Variants in PCDH15 observed in about 807,000 individuals in gnomAD.
The protein encoded by PCDH15 is protocadherin related 15.
In PCDH15, 129 loss-of-function variants were observed where a neutral mutation model predicts 178.5. The ratio of observed to expected loss-of-function variants is 0.72; its 90% confidence interval spans 0.63 to 0.84. PCDH15 has a LOEUF of 0.84. Ranked by LOEUF, PCDH15 falls within the 40% of genes least tolerant of loss-of-function variation. The pLI, the probability that PCDH15 is intolerant of heterozygous loss-of-function variation, is 0.00. For missense variants in PCDH15, 2,230 were observed against 2,099.9 expected (o/e 1.06, Z -1.21); for synonymous variants, 800 against 732.0 (o/e 1.09, Z -1.50).
At chr10:54,765,078 CACAAGTTGTGGAG>C (rs1479371119) in intron 1 of PCDH15, among the ~76,000 whole-genome samples, 1 of 152,076 alleles carries the variant, frequency 6.6e-6, no homozygotes, top group East Asian at 1.9e-4. Flanking sequence ...AGAAATTACC[CACAAGTTGTGGAG>C]AAAATAAATA....
chr10:55,197,038 A>C (rs1442615609), intron 1 of PCDH15, among the ~76,000 whole-genome samples: 1 of 151,946 alleles, frequency 6.6e-6, no homozygotes, highest in Non-Finnish European at 1.5e-5. Flanking sequence ...TAGTTACTTA[A>C]AATGCTCACC....
In PCDH15 at chr10:53,821,763, A is replaced by AAAT. The variant is rs1440769623; in HGVS notation, c.4368-1536_4368-1534dup. The AAAT allele has an allele frequency of 3.8e-6, 6 of 1,565,652 alleles. No homozygotes were observed. The African/African-American group carries it at 6.9e-5, about 18-fold the overall frequency. ...ACTGCATTTCATTGAATTTGGGGTA[A>AAAT]AATAATAGAGTCTTCTTTGACGTTC... On this transcript the variant is annotated intron_variant, in intron 32 of 37. Coordinates refer to ENST00000644397, the MANE Select transcript of PCDH15 (RefSeq NM_001384140.1).
intron 25 of PCDH15, among the ~76,000 whole-genome samples, chr10:53,906,257 C>CTT (rs138230241): frequency 2.0e-5 from 3 of 150,420 alleles, no homozygotes; most frequent in African/African-American, 7.3e-5. Flanking sequence ...ACTAGTCTTC[C>CTT]TTTTTTTTTG....
At chr10:54,733,590 A>G (rs1943688927) in intron 1 of PCDH15, among the ~76,000 whole-genome samples, 1 of 151,620 alleles carries the variant, frequency 6.6e-6, no homozygotes, top group Non-Finnish European at 1.5e-5. Flanking sequence ...ATTTTTAGAT[A>G]CCAAAAAACT....
intron 2 of PCDH15, among the ~76,000 whole-genome samples, chr10:54,916,188 C>T (rs912869481): frequency 5.4e-4 from 82 of 152,150 alleles, no homozygotes; most frequent in African/African-American, 2.0e-3. Context: ...TCAGGCTGGT[C>T]TCGAACTCCT....
At chr10:54,320,195 C>T (rs1462837755) in intron 7 of PCDH15, among the ~76,000 whole-genome samples, 1 of 152,034 alleles carries the variant, frequency 6.6e-6, no homozygotes, top group Non-Finnish European at 1.5e-5. Flanking sequence ...GAGAGTGAGG[C>T]TGCCATGAAT....
intron 1 of PCDH15, among the ~76,000 whole-genome samples, chr10:54,780,004 T>C (rs1299982673): frequency 6.6e-6 from 1 of 152,170 alleles, no homozygotes; most frequent in African/African-American, 2.4e-5. Context: ...GCACTTATTC[T>C]TATAAACAGC....
intron 2 of PCDH15, among the ~76,000 whole-genome samples, chr10:55,138,275 A>G (rs1174560653): frequency 1.3e-5 from 2 of 152,156 alleles, no homozygotes; most frequent in African/African-American, 4.8e-5. Flanking sequence ...TCACATTCCA[A>G]TATAAGTAGG....
At chr10:54,203,815 A>C (rs1427742922) in intron 10 of PCDH15, among the ~76,000 whole-genome samples, 1 of 152,112 alleles carries the variant, frequency 6.6e-6, no homozygotes, top group Non-Finnish European at 1.5e-5. Context: ...ATTCTGAAAA[A>C]CGGGCAAATT....
At chr10:54,443,494 C>CA (rs200734623) in intron 3 of PCDH15, among the ~76,000 whole-genome samples, 19 of 149,180 alleles carry the variant, frequency 1.3e-4, no homozygotes, top group Admixed American at 4.0e-4. Flanking sequence ...ATCAACAACA[C>CA]AAAAAAAAAT....
At chr10:54,137,588 G>A (rs12268401) in intron 14 of PCDH15, among the ~76,000 whole-genome samples, 2,355 of 152,168 alleles carry the variant, frequency 0.015, 75 homozygotes, top group African/African-American at 0.054. Context: ...CACCACATCC[G>A]ATGAGATGCC....
intron 1 of PCDH15, among the ~76,000 whole-genome samples, chr10:54,778,445 C>T (rs1949938474): frequency 6.6e-6 from 1 of 152,094 alleles, no homozygotes; most frequent in African/African-American, 2.4e-5. Context: ...TATTATCAAA[C>T]ATTGCTTTTC....
intron 2 of PCDH15, among the ~76,000 whole-genome samples, chr10:54,559,893 G>T (rs1027717614): frequency 1.2e-4 from 17 of 145,114 alleles, no homozygotes; most frequent in African/African-American, 3.3e-4. Context: ...AAGGTGGTTT[G>T]CTCCCTTTCC....
chr10:54,380,660 T>TATATATATATATATATATATATATGCTCC (rs1949077082), intron 3 of PCDH15, among the ~76,000 whole-genome samples: 3 of 63,902 alleles, frequency 4.7e-5, no homozygotes, highest in Admixed American at 2.0e-4. Flanking sequence ...TATATATATA[T>TATATATATATATATATATATATATGCTCC]ATATATATAT....
At chr10:54,802,069 T>C (rs1375390941), upstream of PCDH15, among the ~76,000 whole-genome samples, 1 of 152,142 alleles carries the variant, frequency 6.6e-6, no homozygotes, top group African/African-American at 2.4e-5. Flanking sequence ...CATATTTTAG[T>C]AGTGATTGTG....
chr10:54,516,358 T>C (rs2082217688), intron 3 of PCDH15, among the ~76,000 whole-genome samples: 1 of 151,928 alleles, frequency 6.6e-6, no homozygotes, highest in Non-Finnish European at 1.5e-5. Flanking sequence ...TGCAGAGAAG[T>C]GCTTAAAGGA....
intron 3 of PCDH15, among the ~76,000 whole-genome samples, chr10:54,873,502 TG>T (rs1332783723): frequency 6.7e-6 from 1 of 148,338 alleles, no homozygotes; most frequent in Non-Finnish European, 1.5e-5. Flanking sequence ...TATACGTGTA[TG>T]TATATATATA....
chr10:54,439,872 G>A lies in PCDH15; in HGVS notation c.158-60930C>T, dbSNP rs149218562. Among the ~76,000 whole-genome samples, 1,116 of 152,098 alleles carry A rather than the reference G, an allele frequency of 7.3e-3. 7 individuals are homozygous for A. The highest frequency in any genetic ancestry group is 0.048 in the Middle Eastern group (14 of 294). On this transcript the variant is annotated intron_variant, in intron 3 of 37. Transcript: ENST00000644397. ...CTACAGTGAAATTATTCTGTCTGTA[G>A]TGACTATTTGAACATTTATGGGCAA... is the stretch of plus-strand genomic sequence containing the variant.
intron 2 of PCDH15, among the ~76,000 whole-genome samples, chr10:55,527,935 C>A (rs1262394098): frequency 6.6e-6 from 1 of 151,974 alleles, no homozygotes; most frequent in Non-Finnish European, 1.5e-5. Flanking sequence ...TTAACAAGTG[C>A]CAAGAGAAGT....
Sources: allele counts gnomAD v4.1 joint callset (sites outside exome capture counted in the v4.1 genomes callset), GRCh38; gene constraint gnomAD v4.1.1; transcripts MANE v1.5; gene names NCBI Gene and HGNC (gene_info 2026-07-23, HGNC 2026-07-21).